Variants in C1QTNF3 observed in about 807,000 individuals in gnomAD.
The protein encoded by C1QTNF3 is complement C1q tumor necrosis factor-related protein 3.
Under a neutral mutation model 32.6 loss-of-function variants are expected in C1QTNF3, and 26 were observed. The ratio of observed to expected loss-of-function variants is 0.80; its 90% CI spans 0.58 to 1.11. The LOEUF (loss-of-function observed/expected upper bound fraction) is 1.11, where lower values mean the gene tolerates loss of function less well. Among genes scored for constraint, C1QTNF3 ranks in the 50% least tolerant of loss-of-function variants. The pLI is 0.00. For synonymous variants in C1QTNF3, 155 were observed against 146.0 expected (o/e 1.06, Z -0.44); for missense variants, 362 against 398.2 (o/e 0.91, Z 0.77).
chr5:34,033,560 C>A, intron 2 of C1QTNF3, 102 bp from the exon 3 acceptor site: 1 of 1,439,350 alleles, frequency 6.9e-7, no homozygotes, highest in Non-Finnish European at 9.7e-7. Context: ...GGGGACCATT[C>A]AGAATAATCC....
chr5:34,223,770 T>C, the C1QTNF3 span, among the ~76,000 whole-genome samples: 383 of 127,450 alleles, frequency 3.0e-3, no homozygotes, highest in East Asian at 6.7e-3. Context: ...TCACCACTCC[T>C]ATTCAACATA....
At chr5:34,212,846 G>T in the C1QTNF3 span, among the ~76,000 whole-genome samples, 13,872 of 149,472 alleles carry the variant, frequency 0.093, 811 homozygotes, top group East Asian at 0.3. Flanking sequence ...AGTCAGTGTG[G>T]CAATTCCTCA....
the C1QTNF3 span, among the ~76,000 whole-genome samples, chr5:34,182,343 C>G: frequency 2.3e-3 from 349 of 149,978 alleles, no homozygotes; most frequent in African/African-American, 8.8e-3. Context: ...TTTTAATTAG[C>G]CAGGCATGGT....
chr5:34,220,759 G>A, the C1QTNF3 span, among the ~76,000 whole-genome samples: 548 of 152,050 alleles, frequency 3.6e-3, 5 homozygotes, highest in African/African-American at 0.013. Flanking sequence ...AAATTTGCAT[G>A]GCTGCCTCTT....
the C1QTNF3 span, chr5:34,244,673 TA>T: frequency 1.6e-4 from 24 of 152,098 alleles, no homozygotes; most frequent in African/African-American, 5.5e-4. Flanking sequence ...CTAGACGTAG[TA>T]AGTTCTCCAA....
At chr5:34,128,443 A>G in the C1QTNF3 span, among the ~76,000 whole-genome samples, 4 of 152,224 alleles carry the variant, frequency 2.6e-5, no homozygotes, top group Non-Finnish European at 5.9e-5. Flanking sequence ...TATAGAACCC[A>G]GAATGATAAA....
At chr5:34,211,473 G>A in the C1QTNF3 span, among the ~76,000 whole-genome samples, 1 of 151,358 alleles carries the variant, frequency 6.6e-6, no homozygotes, top group Admixed American at 6.6e-5. Context: ...CATGTGCCAT[G>A]CTGGTGTGCT....
the C1QTNF3 span, among the ~76,000 whole-genome samples, chr5:34,061,583 A>T: frequency 5.3e-5 from 8 of 152,262 alleles, no homozygotes; most frequent in East Asian, 1.5e-3. Context: ...CCAATTCTTG[A>T]CTTCAGTGCA....
At chr5:34,036,233 C>G (rs796529737) in intron 1 of C1QTNF3, among the ~76,000 whole-genome samples, 13 of 152,212 alleles carry the variant, frequency 8.5e-5, no homozygotes, top group African/African-American at 3.1e-4. Flanking sequence ...GAGTTAAGAG[C>G]TAGATTAAGA....
At chr5:34,211,645 G>A in the C1QTNF3 span, among the ~76,000 whole-genome samples, 3 of 148,582 alleles carry the variant, frequency 2.0e-5, no homozygotes, top group Admixed American at 2.1e-4. Flanking sequence ...TCCGGTGTTT[G>A]GTTTTTTGTC....
At chr5:34,178,046 C>A in the C1QTNF3 span, among the ~76,000 whole-genome samples, 151 of 144,478 alleles carry the variant, frequency 1.0e-3, 1 homozygote, top group African/African-American at 3.6e-3. Flanking sequence ...GCAGGTGGAT[C>A]GCTTGAGGTC....
chr5:34,145,483 G>A, the C1QTNF3 span, among the ~76,000 whole-genome samples: 14 of 151,732 alleles, frequency 9.2e-5, no homozygotes, highest in African/African-American at 3.1e-4. Flanking sequence ...TTCTGAAATT[G>A]TATCAGTAAC....
At chr5:34,195,698 G>T in the C1QTNF3 span, among the ~76,000 whole-genome samples, 1 of 152,212 alleles carries the variant, frequency 6.6e-6, no homozygotes, top group Non-Finnish European at 1.5e-5. Context: ...AAAATTAGCC[G>T]GGCGCAGTGG....
chr5:34,159,315 T>C, the C1QTNF3 span, among the ~76,000 whole-genome samples: 1 of 152,096 alleles, frequency 6.6e-6, no homozygotes, highest in Non-Finnish European at 1.5e-5. Context: ...GAATGAGAGA[T>C]GTTTTTTCCA....
At chr5:34,165,801 G>C in the C1QTNF3 span, 1 of 150,100 alleles carries the variant, frequency 6.7e-6, no homozygotes, top group African/African-American at 2.4e-5. Context: ...TGAACACTCA[G>C]CTATGTATAC....
the C1QTNF3 span, chr5:34,175,714 T>TC: frequency 9.2e-6 from 6 of 649,590 alleles, no homozygotes; most frequent in East Asian, 1.1e-4. Context: ...TAAACCAGCT[T>TC]CCCCCCTTTG....
chr5:34,096,262 T>G, the C1QTNF3 span, among the ~76,000 whole-genome samples: 1 of 151,884 alleles, frequency 6.6e-6, no homozygotes, highest in Non-Finnish European at 1.5e-5. Flanking sequence ...CATAACACAA[T>G]GCTTTAGACT....
the C1QTNF3 span, among the ~76,000 whole-genome samples, chr5:34,207,937 G>A: frequency 6.6e-6 from 1 of 151,996 alleles, no homozygotes; most frequent in African/African-American, 2.4e-5. Context: ...ACAGGCGCCC[G>A]CCACCGTGCC....
At chr5:34,227,803 T>C in the C1QTNF3 span, among the ~76,000 whole-genome samples, 2 of 152,010 alleles carry the variant, frequency 1.3e-5, no homozygotes, top group South Asian at 2.1e-4. Context: ...AATTGGTAAG[T>C]ATATCTTTAT....
Sources: gnomAD v4.1 joint callset for allele counts (sites outside exome capture counted in the v4.1 genomes callset) on GRCh38, gnomAD v4.1.1 for gene constraint, MANE v1.5 for transcripts, NCBI Gene and HGNC (gene_info 2026-07-23, HGNC 2026-07-21) for gene names.